The following DPY19L1 variants were observed in gnomAD, a reference collection of about 807,000 sequenced individuals.
The protein encoded by DPY19L1 is protein C-mannosyl-transferase DPY19L1.
DPY19L1 carries 35 observed loss-of-function variants against 96.9 expected under a neutral mutation model. That is an observed-to-expected ratio of 0.36 (90% CI 0.28 to 0.48). DPY19L1 has a LOEUF of 0.48. Among genes scored for constraint, DPY19L1 ranks in the 20% least tolerant of loss-of-function variants. DPY19L1 has a pLI of 0.99. For synonymous variants in DPY19L1, 205 were observed against 252.6 expected (o/e 0.81, Z 1.79); for missense variants, 521 against 777.9 (o/e 0.67, Z 3.93).
chr7:34,992,389 AC>A (rs1785189700), intron 6 of DPY19L1, among the ~76,000 whole-genome samples: 1 of 152,072 alleles, frequency 6.6e-6, no homozygotes, highest in African/African-American at 2.4e-5. Context: ...CAAAAAAACA[AC>A]CCCTTTAAGC....
At chr7:35,001,083 G>T (rs147711599) in intron 6 of DPY19L1, among the ~76,000 whole-genome samples, 1 of 152,082 alleles carries the variant, frequency 6.6e-6, no homozygotes, top group Admixed American at 6.6e-5. Flanking sequence ...TCTATAAAGC[G>T]GTTTACCTAT....
chr7:35,018,020 A>AT (rs764885653), intron 2 of DPY19L1, 51 bp from the exon 3 acceptor site: 2 of 1,364,242 alleles, frequency 1.5e-6, no homozygotes, highest in South Asian at 2.8e-5. Flanking sequence ...TCTAAGTATT[A>AT]TTTTTTAAAG....
chr7:35,029,261 T>TA (rs1421230320), intron 1 of DPY19L1, among the ~76,000 whole-genome samples: 1 of 152,204 alleles, frequency 6.6e-6, no homozygotes, highest in Non-Finnish European at 1.5e-5. Context: ...TTCTTCTTAT[T>TA]AAAAAAGTGC....
rs554610481 is a variant in DPY19L1 at position 34,958,774 on chromosome 7, T to C, written c.1093-704A>G. Among the ~76,000 whole-genome samples the C allele has an allele frequency of 2.6e-5, 4 of 152,332 alleles. No individual in the cohort carries two copies. The South Asian group carries it at 6.2e-4, about 24-fold the overall frequency. ...CAACACTGTATTATTCTTTTAAATA[T>C]TTGCCAATCCAGTAGGGAAAAAATG... is the stretch of plus-strand genomic sequence containing the variant. On this transcript the variant is annotated intron_variant, in intron 10 of 21. Coordinates refer to ENST00000638088, the MANE Select transcript of DPY19L1 (RefSeq NM_001366673.1).
At chr7:35,026,124 T>C (rs1410250910) in intron 1 of DPY19L1, among the ~76,000 whole-genome samples, 2 of 152,078 alleles carry the variant, frequency 1.3e-5, no homozygotes, top group Non-Finnish European at 2.9e-5. Context: ...ACAGTCAAGG[T>C]TGATTATCAT....
chr7:34,981,181 G>A (rs1483056208), intron 7 of DPY19L1, among the ~76,000 whole-genome samples: 2 of 152,076 alleles, frequency 1.3e-5, no homozygotes, highest in Non-Finnish European at 2.9e-5. Context: ...ATTAAAATGT[G>A]GGGAGACTAC....
Position 35,037,131 on chromosome 7 carries a change from C to G in DPY19L1, c.264G>C (p.Ala88=), listed in dbSNP as rs1414386844. The G allele has an allele frequency of 2.0e-5, 4 of 199,302 alleles. No individual in the cohort carries two copies. 12.3% of individuals were successfully genotyped at this position (199,302 alleles called of 1,614,324 possible). The change falls in exon 1 of 22, where the codon GCG becomes GCC. Residue 88 remains alanine (A), a synonymous_variant. Coordinates refer to ENST00000638088, the MANE Select transcript of DPY19L1 (RefSeq NM_001366673.1). ...RLRWALGLRR[A]GRGRTWTTLL... Reference sequence around the variant, plus strand: ...GCGTGGTCCAGGTCCGGCCGCGCCCCGCGCGCCGCAGGCCCAGCGCCCAGC... The same window carrying G: ...GCGTGGTCCAGGTCCGGCCGCGCCCGGCGCGCCGCAGGCCCAGCGCCCAGC...
chr7:34,970,662 T>G (rs952970957), intron 8 of DPY19L1, among the ~76,000 whole-genome samples: 4 of 152,160 alleles, frequency 2.6e-5, no homozygotes, highest in Non-Finnish European at 5.9e-5. Context: ...AATATGATTT[T>G]CATTTTATGG....
At chr7:34,939,223 A>T in intron 20 of DPY19L1, 53 bp downstream of exon 20, 1 of 1,506,292 alleles carries the variant, frequency 6.6e-7, no homozygotes. Context: ...TCCTCCACTC[A>T]CTGTCTGTTT....
chr7:34,990,599 C>T (rs891364345), intron 6 of DPY19L1, among the ~76,000 whole-genome samples: 3 of 151,926 alleles, frequency 2.0e-5, no homozygotes, highest in Non-Finnish European at 4.4e-5. Flanking sequence ...GCTTATAACT[C>T]TAGGTAAGAA....
intron 4 of DPY19L1, 126 bp from the exon 5 acceptor site, chr7:35,011,576 T>A: frequency 1.1e-6 from 1 of 883,512 alleles, no homozygotes; most frequent in Non-Finnish European, 1.7e-6. Context: ...TGGCTCCCTT[T>A]AAATGTAGTA....
intron 1 of DPY19L1, among the ~76,000 whole-genome samples, chr7:35,028,668 G>A (rs185602908): frequency 7.4e-4 from 112 of 152,272 alleles, no homozygotes; most frequent in African/African-American, 2.4e-3. Context: ...ATTCAGTAAA[G>A]GAATAAAGAA....
intron 1 of DPY19L1, among the ~76,000 whole-genome samples, chr7:35,031,221 C>G (rs549144223): frequency 1.3e-5 from 2 of 151,934 alleles, no homozygotes; most frequent in African/African-American, 2.4e-5. Context: ...AAATAGTAGG[C>G]GGAAAAAAAA....
intron 7 of DPY19L1, among the ~76,000 whole-genome samples, chr7:34,985,443 T>C (rs1321052522): frequency 6.6e-6 from 1 of 151,956 alleles, no homozygotes; most frequent in East Asian, 1.9e-4. Flanking sequence ...AAGGGGCCAA[T>C]ATTCAAAATA....
upstream of DPY19L1, chr7:35,037,720 C>T (rs1033368838): frequency 4.2e-5 from 30 of 715,368 alleles, no homozygotes; most frequent in East Asian, 1.3e-3. Flanking sequence ...CCCCCGCCGC[C>T]CCTCTGCGCC....
intron 6 of DPY19L1, among the ~76,000 whole-genome samples, chr7:34,996,577 G>A (rs960754352): frequency 5.3e-5 from 8 of 151,816 alleles, no homozygotes; most frequent in Non-Finnish European, 1.2e-4. Flanking sequence ...GGCTCCCATC[G>A]TCTTCCCCTG....
At chr7:34,954,345 T>C (rs1458897728) in intron 13 of DPY19L1, among the ~76,000 whole-genome samples, 1 of 152,114 alleles carries the variant, frequency 6.6e-6, no homozygotes, top group African/African-American at 2.4e-5. Context: ...GAGACTATAA[T>C]ACGATCTCCA....
chr7:35,013,471 T>C, intron 4 of DPY19L1, 97 bp downstream of exon 4: 1 of 918,810 alleles, frequency 1.1e-6, no homozygotes, highest in Non-Finnish European at 1.6e-6. Context: ...TTAAATACAA[T>C]TTAATATATT....
At chr7:34,946,835 C>T (rs905919142) in intron 15 of DPY19L1, among the ~76,000 whole-genome samples, 2 of 152,210 alleles carry the variant, frequency 1.3e-5, no homozygotes, top group African/African-American at 4.8e-5. Flanking sequence ...CATTTGTCTA[C>T]CCCATAGGGC....
Sources: allele counts gnomAD v4.1 joint callset (sites outside exome capture counted in the v4.1 genomes callset), GRCh38; gene constraint gnomAD v4.1.1; transcripts MANE v1.5; gene names NCBI Gene and HGNC (gene_info 2026-07-23, HGNC 2026-07-21).